Variants in RPRD2 observed in about 807,000 individuals in gnomAD.
RPRD2 encodes the protein regulation of nuclear pre-mRNA domain-containing protein 2.
Under a neutral mutation model 104.4 loss-of-function variants are expected in RPRD2, and 12 were observed. That is an observed-to-expected ratio of 0.11 (90% CI 0.07 to 0.19). The LOEUF is 0.19. Ranked by LOEUF, RPRD2 falls within the 10% of genes least tolerant of loss-of-function variation. The probability of loss-of-function intolerance (pLI) is 1.00; values close to 1 mark genes in which losing one functional copy is unlikely to be tolerated. For synonymous variants in RPRD2, 714 were observed against 684.9 expected, an observed-to-expected ratio of 1.04 and a Z score of -0.66; for missense variants, 1,543 against 1,790.1, an observed-to-expected ratio of 0.86 and a Z score of 2.49.
At chr1:150,412,582 A>G (rs1664019804) in intron 1 of RPRD2, among the ~76,000 whole-genome samples, 1 of 152,244 alleles carries the variant, frequency 6.6e-6, no homozygotes, top group Non-Finnish European at 1.5e-5. Flanking sequence ...TGAGTAATTC[A>G]TTAAAGATGG....
At chr1:150,403,426 C>T (rs1411153237) in intron 1 of RPRD2, among the ~76,000 whole-genome samples, 1 of 152,128 alleles carries the variant, frequency 6.6e-6, no homozygotes, top group African/African-American at 2.4e-5. Context: ...AATAACTCTC[C>T]ATTCCCCAGC....
rs1464277294 is a variant in RPRD2 at position 150,475,389 on chromosome 1, T to G, written c.*2055T>G. On this transcript the variant is annotated 3_prime_UTR_variant, in exon 11 of 11. Transcript: ENST00000369068. ...CTGCTCTTGTTTAAGCTAAAAGTAG[T>G]GTTTACTTGATAAGGCTCTCTGACC... The G allele has an allele frequency of 6.6e-6, 1 of 152,532 alleles. No homozygotes were observed. The highest frequency in any genetic ancestry group is 2.4e-5 in the African/African-American group (1 of 41,430). 9.4% of individuals were successfully genotyped at this position (152,532 alleles called of 1,614,324 possible). A position where few individuals can be genotyped will look rare whatever the true frequency, so the allele number is the denominator to read the frequency against.
rs1570809734 is a variant in RPRD2 at position 150,472,403 on chromosome 1, G to C, written c.3455G>C (p.Gly1152Ala). The change falls in exon 11 of 11, where the codon GGG (glycine) becomes GCG (alanine). Residue 1152 changes from glycine (G) to alanine (A), a missense_variant. Physicochemically the swap from Gly to Ala is moderately conservative, Grantham distance 60. Transcript: ENST00000369068. ...PSSASELASL[G>A]GGGSGGLTGF... is the part of the protein sequence containing the mutation. The stretch of plus-strand genomic sequence containing the variant: ...AGTGCCTCTGAGTTGGCATCCCTTG[G>C]GGGTGGGGGCAGCGGAGGCCTCACT... The C allele has an allele frequency of 6.2e-7, 1 of 1,613,942 alleles. No individual in the cohort carries two copies. The highest frequency in any genetic ancestry group is 1.1e-5 in the South Asian group (1 of 91,082).
rs587611719 is a variant in RPRD2, at chr1:150,448,366, A to G, written c.870+1965A>G. On this transcript the variant is annotated intron_variant, in intron 7 of 10. Transcript: ENST00000369068. ...GGTTTTTTAGTAGAGACAGGGTTTC[A>G]CCATGTTGGACAGGCTCGTCTTGAA... 3.3e-5 allele frequency among the ~76,000 whole-genome samples: 5 copies of G among 152,044 alleles called. No individual in the cohort carries two copies. The South Asian group carries it at 8.3e-4, about 25-fold the overall frequency.
intron 1 of RPRD2, among the ~76,000 whole-genome samples, chr1:150,416,825 T>C (rs1379185287): frequency 6.9e-6 from 1 of 144,522 alleles, no homozygotes; most frequent in Non-Finnish European, 1.5e-5. Flanking sequence ...TGAGCTGAGA[T>C]TGCGCCACTT....
Position 150,461,566 on chromosome 1 carries a change from A to G in RPRD2, c.1411+1249A>G, listed in dbSNP as rs190227222. On this transcript the variant is annotated intron_variant, in intron 9 of 10. Coordinates refer to ENST00000369068, the MANE Select transcript of RPRD2 (RefSeq NM_015203.5). ...GTTTTTTACTGTTATGAAGAATACT[A>G]TAGGGCCAGGTGTGGTGGCTCACGC... 5.3e-5 allele frequency among the ~76,000 whole-genome samples: 8 copies of G among 152,256 alleles called. No homozygotes were observed. The East Asian group carries it at 7.7e-4, about 15-fold the overall frequency.
Position 150,473,365 on chromosome 1 carries a change from T to G in RPRD2, c.*31T>G, listed in dbSNP as rs1668729159. 2 of 1,525,818 alleles carry G rather than the reference T, an allele frequency of 1.3e-6. No individual in the cohort carries two copies. The highest frequency in any genetic ancestry group is 8.8e-7 in the Non-Finnish European group (1 of 1,136,724). 94.5% of individuals were successfully genotyped at this position (1,525,818 alleles called of 1,614,324 possible). A position where few individuals can be genotyped will look rare whatever the true frequency, so the allele number is the denominator to read the frequency against. On this transcript the variant is annotated 3_prime_UTR_variant, in exon 11 of 11. Transcript: ENST00000369068. ...ACCAAGGGAAAGGCATTTTGAACAG[T>G]CTAGAGAACATTGGAAGTAGGAGTT...
In RPRD2 at chr1:150,475,707, T is replaced by G. The variant is rs898084247; in HGVS notation, c.*2373T>G. 2.6e-5 allele frequency: 4 copies of G among 152,614 alleles called. No individual in the cohort carries two copies. Among genetic ancestry groups the G allele is most frequent in the Non-Finnish European group, 5.9e-5 (4 of 68,038 alleles). The allele number at this position is 152,614 out of a possible 1,614,324, so 9.5% of individuals were successfully genotyped here. ...TTACATTTACATCAGTAAATGAAGA[T>G]GACAGTGTGTATATATGTGATAAAT... is the stretch of plus-strand genomic sequence containing the variant. On this transcript the variant is annotated 3_prime_UTR_variant, in exon 11 of 11. Coordinates refer to ENST00000369068, the MANE Select transcript of RPRD2 (RefSeq NM_015203.5).
At chr1:150,446,537 T>A (rs1666785112) in intron 7 of RPRD2, 136 bp downstream of exon 7, 5 of 764,424 alleles carry the variant, frequency 6.5e-6, no homozygotes, top group Non-Finnish European at 9.9e-6. Flanking sequence ...TTGGGATAGG[T>A]GCTGTGGTAC....
intron 2 of RPRD2, among the ~76,000 whole-genome samples, chr1:150,434,317 C>G (rs955533123): frequency 3.3e-5 from 5 of 152,132 alleles, no homozygotes; most frequent in African/African-American, 1.2e-4. Flanking sequence ...GATCGTGCAA[C>G]TGCCCTCCAG....
At chr1:150,425,990 A>G (rs1665094499) in intron 2 of RPRD2, among the ~76,000 whole-genome samples, 1 of 152,134 alleles carries the variant, frequency 6.6e-6, no homozygotes, top group Admixed American at 6.6e-5. Context: ...GGTCCAAGCT[A>G]CTTGGAAGGC....
intron 1 of RPRD2, among the ~76,000 whole-genome samples, chr1:150,393,431 T>C (rs1315349900): frequency 8.5e-6 from 1 of 118,046 alleles, no homozygotes; most frequent in Non-Finnish European, 1.6e-5. Flanking sequence ...CACTCTAGCC[T>C]GGGCAACAGA....
chr1:150,437,173 C>T (rs183691631), intron 2 of RPRD2, among the ~76,000 whole-genome samples: 36 of 152,130 alleles, frequency 2.4e-4, no homozygotes, highest in Non-Finnish European at 1.8e-4. Context: ...GCATGAAGAA[C>T]ATTTGTGATT....
chr1:150,467,930 G>A lies in RPRD2; in HGVS notation c.1613-2631G>A, dbSNP rs587726439. Among the ~76,000 whole-genome samples, 7 of 151,988 alleles carry A rather than the reference G, an allele frequency of 4.6e-5. No homozygotes were observed. The South Asian group carries it at 8.3e-4, about 18-fold the overall frequency. ...CCTGTAATTCCAGCACTTTGGGGAC[G>A]GGTGGATCACCTGAGGTCAGGAGTT... On this transcript the variant is annotated intron_variant, in intron 10 of 10. Coordinates refer to ENST00000369068, the MANE Select transcript of RPRD2 (RefSeq NM_015203.5).
At chr1:150,384,453 T>TCATTATTATG (rs1560154910) in intron 1 of RPRD2, among the ~76,000 whole-genome samples, 3 of 34,116 alleles carry the variant, frequency 8.8e-5, no homozygotes, top group Non-Finnish European at 2.1e-4. Flanking sequence ...TCATCATCAT[T>TCATTATTATG]ATTATTATTA....
At chr1:150,413,688 G>A (rs1664108915) in intron 1 of RPRD2, among the ~76,000 whole-genome samples, 1 of 152,076 alleles carries the variant, frequency 6.6e-6, no homozygotes, top group Non-Finnish European at 1.5e-5. Flanking sequence ...CACTTTGGGA[G>A]GCCAAGGCTG....
chr1:150,404,634 A>G (rs1326744114), intron 1 of RPRD2, among the ~76,000 whole-genome samples: 1 of 152,074 alleles, frequency 6.6e-6, no homozygotes, highest in East Asian at 1.9e-4. Flanking sequence ...ATTTTTTTTG[A>G]AATGGGGTCT....
intron 9 of RPRD2, 30 bp from the exon 10 acceptor site, chr1:150,464,497 A>ATT: frequency 6.4e-7 from 1 of 1,552,460 alleles, no homozygotes; most frequent in East Asian, 2.4e-5. Flanking sequence ...TTTGAATTGC[A>ATT]TTTTCTTGAG....
At chr1:150,420,192 T>G (rs1664663179) in intron 2 of RPRD2, among the ~76,000 whole-genome samples, 1 of 152,206 alleles carries the variant, frequency 6.6e-6, no homozygotes, top group Admixed American at 6.5e-5. Context: ...GCCTAGTGTT[T>G]CCTTGACTTG....
Sources: allele counts gnomAD v4.1 joint callset (sites outside exome capture counted in the v4.1 genomes callset), GRCh38; gene constraint gnomAD v4.1.1; transcripts MANE v1.5; gene names NCBI Gene and HGNC (gene_info 2026-07-23, HGNC 2026-07-21).